ATP8A1: variants seen among roughly 807,000 people sequenced by gnomAD.
The protein encoded by ATP8A1 is ATPase phospholipid transporting 8A1, also known as phospholipid-transporting ATPase IA.
In ATP8A1, 90 loss-of-function variants were observed where a neutral mutation model predicts 177.7. The ratio of observed to expected loss-of-function variants is 0.51; its 90% CI spans 0.43 to 0.60. The LOEUF (loss-of-function observed/expected upper bound fraction) is 0.60. Ranked by LOEUF, ATP8A1 falls within the 20% of genes least tolerant of loss-of-function variation. The pLI, the probability that ATP8A1 is intolerant of heterozygous loss-of-function variation, is 0.00. For synonymous variants in ATP8A1, 493 were observed against 485.9 expected, an observed-to-expected ratio of 1.01 and a Z score of -0.19; for missense variants, 1,072 against 1,392.8, an observed-to-expected ratio of 0.77 and a Z score of 3.67.
At chr4:42,420,780 T>A (rs1577896235) in intron 35 of ATP8A1, among the ~76,000 whole-genome samples, 1 of 151,692 alleles carries the variant, frequency 6.6e-6, no homozygotes, top group East Asian at 1.9e-4. Context: ...CTTTTTTTTT[T>A]TTTTTTGAGA....
At chr4:42,624,095 A>C (rs1560531814) in intron 4 of ATP8A1, among the ~76,000 whole-genome samples, 1 of 152,146 alleles carries the variant, frequency 6.6e-6, no homozygotes, top group Non-Finnish European at 1.5e-5. Context: ...TTTTAAAAAA[A>C]TGAGATAAAG....
intron 14 of ATP8A1, among the ~76,000 whole-genome samples, 181 bp from the exon 15 acceptor site, chr4:42,569,386 G>C (rs1731686596): frequency 6.6e-6 from 1 of 152,184 alleles, no homozygotes; most frequent in Admixed American, 6.5e-5. Context: ...AATGATTCAT[G>C]GTAGCTCAGC....
chr4:42,438,083 C>G (rs1298160317), intron 33 of ATP8A1, among the ~76,000 whole-genome samples: 2 of 151,970 alleles, frequency 1.3e-5, no homozygotes, highest in Non-Finnish European at 2.9e-5. Flanking sequence ...GTTGATAAGT[C>G]TGGGAGAAAA....
intron 33 of ATP8A1, among the ~76,000 whole-genome samples, chr4:42,433,571 CA>C (rs1715554592): frequency 6.6e-6 from 1 of 152,140 alleles, no homozygotes; most frequent in South Asian, 2.1e-4. Context: ...AATATGTTTA[CA>C]ATTATTCTCA....
intron 5 of ATP8A1, among the ~76,000 whole-genome samples, chr4:42,602,318 A>G (rs1735365434): frequency 6.6e-6 from 1 of 152,198 alleles, no homozygotes; most frequent in African/African-American, 2.4e-5. Context: ...TGATCCCAGG[A>G]GTAAATCCCC....
intron 27 of ATP8A1, among the ~76,000 whole-genome samples, chr4:42,455,861 T>G (rs10805102): frequency 0.95 from 144,114 of 152,272 alleles, 68,665 homozygotes; most frequent in East Asian, 1. Flanking sequence ...TTAAAAATGA[T>G]AAATAATCTT....
intron 20 of ATP8A1, among the ~76,000 whole-genome samples, chr4:42,530,171 G>T (rs1472940331): frequency 6.6e-6 from 1 of 152,198 alleles, no homozygotes; most frequent in Admixed American, 6.5e-5. Context: ...TGGCCATGGT[G>T]GCAAGGATGG....
At chr4:42,643,836 G>A (rs1458488789) in intron 1 of ATP8A1, among the ~76,000 whole-genome samples, 1 of 152,210 alleles carries the variant, frequency 6.6e-6, no homozygotes, top group Non-Finnish European at 1.5e-5. Context: ...AGGCCGCACA[G>A]CTTTGAAGGG....
chr4:42,543,930 TAG>T lies in ATP8A1; in HGVS notation c.1707_1708del (p.Tyr570LeufsTer5). ...ATAAAAACTTACAGCTCCTTTGCAGTAGAGTCGTAACTTTCCAGATGGAGTGC... is the reference window on the plus strand; with the variant it reads ...ATAAAAACTTACAGCTCCTTTGCAGTAGTCGTAACTTTCCAGATGGAGTGC... On this transcript the variant is annotated frameshift_variant, in exon 20 of 37. Coordinates refer to ENST00000381668, the MANE Select transcript of ATP8A1 (RefSeq NM_006095.2). LOFTEE classifies it high-confidence loss of function. 6.2e-7 allele frequency: 1 copy of T among 1,611,656 alleles called. No homozygotes were observed. Among genetic ancestry groups the T allele is most frequent in the Non-Finnish European group, 8.5e-7 (1 of 1,178,762 alleles).
intron 20 of ATP8A1, among the ~76,000 whole-genome samples, chr4:42,538,796 T>C (rs1354451782): frequency 2.0e-5 from 3 of 152,218 alleles, no homozygotes; most frequent in Non-Finnish European, 1.5e-5. Context: ...GGAACACTTT[T>C]ACACTGCTGG....
At chr4:42,616,363 T>C (rs941810266) in intron 4 of ATP8A1, among the ~76,000 whole-genome samples, 11 of 152,148 alleles carry the variant, frequency 7.2e-5, no homozygotes, top group African/African-American at 2.7e-4. Context: ...CCTCGGCACA[T>C]AGGTAGGATT....
chr4:42,544,478 CA>C (rs1340358107), intron 19 of ATP8A1, among the ~76,000 whole-genome samples: 2 of 152,146 alleles, frequency 1.3e-5, no homozygotes. Context: ...ACTAGTTTTT[CA>C]ATGATGACTA....
Position 42,470,705 on chromosome 4 carries a change from AT to A in ATP8A1, c.2325-5630del, listed in dbSNP as rs1720304205. Among the ~76,000 whole-genome samples, 2 of 152,190 alleles carry A rather than the reference AT, an allele frequency of 1.3e-5. 1 individual carries two copies. Among genetic ancestry groups the A allele is most frequent in the South Asian group, 4.1e-4 (2 of 4,832 alleles). On this transcript the variant is annotated intron_variant, in intron 25 of 36. Transcript: ENST00000381668. ...TAAATCTAGAAAACTTTTTAGAAGA[AT>A]ATGAAGGAACATAGTATTTTCTAGT...
intron 15 of ATP8A1, among the ~76,000 whole-genome samples, chr4:42,560,320 C>T (rs955529023): frequency 6.6e-6 from 1 of 152,020 alleles, no homozygotes; most frequent in Admixed American, 6.6e-5. Flanking sequence ...GGGAGGGGAT[C>T]AAAACCTTTT....
intron 27 of ATP8A1, among the ~76,000 whole-genome samples, chr4:42,461,740 C>T (rs1180215380): frequency 1.3e-5 from 2 of 152,076 alleles, no homozygotes; most frequent in African/African-American, 2.4e-5. Flanking sequence ...GGGTAACAGG[C>T]AGAGGTTGGA....
In ATP8A1 at chr4:42,624,594, A is replaced by T. The variant is rs1472543841; in HGVS notation, c.305T>A (p.Leu102Gln). The T allele has an allele frequency of 1.3e-6, 2 of 1,488,384 alleles. No homozygotes were observed. The highest frequency in any genetic ancestry group is 2.2e-5 in the Admixed American group (1 of 45,650). The allele number at this position is 1,488,384 out of a possible 1,614,324, so 92.2% of individuals were successfully genotyped here. Residue 102 changes from leucine (L) to glutamine (Q), a missense_variant, in exon 4 of 37, where the codon CTG becomes CAG. Leu to Gln is a moderately radical substitution (Grantham distance 113, BLOSUM62 -2). Coordinates refer to ENST00000381668, the MANE Select transcript of ATP8A1 (RefSeq NM_006095.2). ...DVSPTGRYTT[L>Q]VPLLFILAVA... ...AGCTAAAATAAATAAGAGAGGAACC[A>T]GTGTTGTATAACGACCTGTTGGTGA...
intron 6 of ATP8A1, chr4:42,594,269 G>C (rs772985404): frequency 2.0e-6 from 3 of 1,483,960 alleles, no homozygotes; most frequent in South Asian, 1.2e-5. Flanking sequence ...CACTGTTTGA[G>C]CATCAGTAGG....
chr4:42,601,033 CTTT>C lies in ATP8A1; in HGVS notation c.410-518_410-516del, dbSNP rs36117571. Among the ~76,000 whole-genome samples, 912 of 102,386 alleles carry C rather than the reference CTTT, an allele frequency of 8.9e-3. 12 individuals are homozygous for C. Among genetic ancestry groups the C allele is most frequent in the African/African-American group, 0.032 (863 of 27,152 alleles). The allele number at this position is 102,386 out of a possible 152,430, so 67.2% of individuals were successfully genotyped here. ...AAAAAGCAAAAACAACCCAAATTTT[CTTT>C]TTTTTTTTTTTTTTTTTGAGATGGA... On this transcript the variant is annotated intron_variant, in intron 5 of 36. Transcript: ENST00000381668.
chr4:42,546,611 G>A (rs1379937451), intron 19 of ATP8A1, among the ~76,000 whole-genome samples: 2 of 149,264 alleles, frequency 1.3e-5, no homozygotes, highest in East Asian at 3.9e-4. Context: ...AAACTCACCC[G>A]ATGCAACCAC....
Sources: gnomAD v4.1 joint callset for allele counts (sites outside exome capture counted in the v4.1 genomes callset) on GRCh38, gnomAD v4.1.1 for gene constraint, MANE v1.5 for transcripts, NCBI Gene and HGNC (gene_info 2026-07-23, HGNC 2026-07-21) for gene names.